The following RNF150 variants were observed in gnomAD, a reference collection of about 807,000 sequenced individuals.
RNF150 encodes the protein ring finger protein 150.
A neutral mutation model predicts 39.3 loss-of-function variants in RNF150; 24 were observed. The observed-to-expected ratio is 0.61, with a 90% CI of 0.44 to 0.86. The LOEUF (loss-of-function observed/expected upper bound fraction) is 0.86, where lower values mean the gene tolerates loss of function less well. Ranked by LOEUF, RNF150 falls within the 40% of genes least tolerant of loss-of-function variation. The probability of loss-of-function intolerance (pLI) is 0.00; values close to 1 mark genes in which losing one functional copy is unlikely to be tolerated. For missense variants in RNF150, 502 were observed against 587.8 expected (o/e 0.85, Z 1.51); for synonymous variants, 255 against 227.3 (o/e 1.12, Z -1.10).
At chr4:141,022,481 C>T (rs915039128) in intron 1 of RNF150, among the ~76,000 whole-genome samples, 11 of 152,086 alleles carry the variant, frequency 7.2e-5, no homozygotes, top group Non-Finnish European at 1.0e-4. Context: ...CCTTTGAAAA[C>T]TTTTTATTTG....
At chr4:140,955,579 C>A (rs1579000941) in intron 2 of RNF150, among the ~76,000 whole-genome samples, 1 of 152,090 alleles carries the variant, frequency 6.6e-6, no homozygotes, top group African/African-American at 2.4e-5. Flanking sequence ...TGCTTTGAGA[C>A]CTGAATAATC....
chr4:141,005,770 A>G (rs59850910), intron 1 of RNF150, among the ~76,000 whole-genome samples: 1 of 147,266 alleles, frequency 6.8e-6, no homozygotes, highest in Admixed American at 6.8e-5. Context: ...TTAGTTAGAT[A>G]AGAAATATTT....
intron 1 of RNF150, among the ~76,000 whole-genome samples, chr4:141,197,452 T>C (rs1255334418): frequency 6.6e-6 from 1 of 152,224 alleles, no homozygotes; most frequent in Non-Finnish European, 1.5e-5. Flanking sequence ...TTGTAACTTA[T>C]TGTATTTTAA....
chr4:141,111,962 A>G (rs1434535400), intron 1 of RNF150, among the ~76,000 whole-genome samples: 1 of 152,188 alleles, frequency 6.6e-6, no homozygotes, highest in Admixed American at 6.6e-5. Context: ...GAGAAATGCA[A>G]AAGAACTGAT....
intron 1 of RNF150, among the ~76,000 whole-genome samples, chr4:141,173,947 T>G (rs560416012): frequency 6.6e-6 from 1 of 152,368 alleles, no homozygotes; most frequent in Non-Finnish European, 1.5e-5. Flanking sequence ...CATTTTCTTA[T>G]GATTTATAAA....
At chr4:141,043,675 A>C (rs1327157027) in intron 1 of RNF150, among the ~76,000 whole-genome samples, 5 of 152,176 alleles carry the variant, frequency 3.3e-5, no homozygotes, top group Non-Finnish European at 7.4e-5. Flanking sequence ...AGCCACTTTA[A>C]AAGGAATAGC....
chr4:141,185,437 A>C (rs1365102160), intron 1 of RNF150, among the ~76,000 whole-genome samples: 2 of 151,840 alleles, frequency 1.3e-5, no homozygotes, highest in African/African-American at 4.9e-5. Context: ...GGGCTGAGAC[A>C]ATGGGTTTTT....
At chr4:140,968,871 T>C (rs1560992367) in intron 1 of RNF150, among the ~76,000 whole-genome samples, 1 of 151,774 alleles carries the variant, frequency 6.6e-6, no homozygotes, top group Non-Finnish European at 1.5e-5. Flanking sequence ...TTTATATTAA[T>C]TTCATTAGGG....
rs1728760058 is a variant in RNF150 at position 140,867,583 on chromosome 4, A to G, written c.*678T>C. 1 of 152,246 alleles carries G rather than the reference A, an allele frequency of 6.6e-6. No individual in the cohort carries two copies. The highest frequency in any genetic ancestry group is 1.5e-5 in the Non-Finnish European group (1 of 68,066). The allele number at this position is 152,246 out of a possible 1,614,324, so 9.4% of individuals were successfully genotyped here. Reference sequence around the variant, plus strand: ...GCTTAAAATAACCAGCAGTGGCCTCAGCAGATTTAGGGCTTAGTGTTGGGG... The same window carrying G: ...GCTTAAAATAACCAGCAGTGGCCTCGGCAGATTTAGGGCTTAGTGTTGGGG... On this transcript the variant is annotated 3_prime_UTR_variant, in exon 7 of 7. Coordinates refer to ENST00000515673, the MANE Select transcript of RNF150 (RefSeq NM_020724.2).
intron 1 of RNF150, among the ~76,000 whole-genome samples, chr4:141,034,740 G>A (rs939684315): frequency 4.6e-5 from 7 of 152,080 alleles, no homozygotes; most frequent in African/African-American, 1.4e-4. Context: ...GAGAGATAGG[G>A]AAATGGCTAG....
chr4:140,942,514 A>T (rs1351702594), intron 4 of RNF150, among the ~76,000 whole-genome samples: 1 of 152,252 alleles, frequency 6.6e-6, no homozygotes, highest in Non-Finnish European at 1.5e-5. Flanking sequence ...ATTTAAGTCC[A>T]GGTGGCACTG....
At chr4:141,189,126 G>A (rs1441565796) in intron 1 of RNF150, among the ~76,000 whole-genome samples, 3 of 152,080 alleles carry the variant, frequency 2.0e-5, no homozygotes, top group African/African-American at 7.2e-5. Context: ...TTTTCATTCT[G>A]TCAGGCCCCT....
intron 1 of RNF150, among the ~76,000 whole-genome samples, chr4:141,131,614 T>C (rs1045901866): frequency 3.3e-5 from 5 of 152,218 alleles, no homozygotes; most frequent in Non-Finnish European, 7.3e-5. Flanking sequence ...ATCCCTTCAT[T>C]CTAGCCAGAA....
intron 1 of RNF150, among the ~76,000 whole-genome samples, chr4:141,158,693 G>T (rs1727458768): frequency 6.6e-6 from 1 of 152,114 alleles, no homozygotes; most frequent in African/African-American, 2.4e-5. Context: ...TACAGATAGT[G>T]GAAGTGTTAA....
rs115135465 is a variant in RNF150 at position 141,156,401 on chromosome 4, C to A, written c.-6+56393G>T. Among the ~76,000 whole-genome samples, 1,061 of 152,222 alleles carry A rather than the reference C, an allele frequency of 7.0e-3. 11 individuals are homozygous for A. The highest frequency in any genetic ancestry group is 0.024 in the African/African-American group (1,016 of 41,552). ...GCTCAAGCCATCCTCCTGCCTCATC[C>A]TCCTGAGTAGGAGGGACTACAGGCA... On this transcript the variant is annotated intron_variant, in intron 1 of 7. Transcript: ENST00000420921.
At chr4:141,148,919 C>T (rs556193397) in intron 1 of RNF150, among the ~76,000 whole-genome samples, 8 of 152,288 alleles carry the variant, frequency 5.3e-5, no homozygotes, top group African/African-American at 1.9e-4. Flanking sequence ...CTTTATCATT[C>T]CTCCTCAGCT....
At chr4:141,107,159 T>C (rs1481196288) in intron 1 of RNF150, among the ~76,000 whole-genome samples, 3 of 152,218 alleles carry the variant, frequency 2.0e-5, no homozygotes, top group Admixed American at 6.5e-5. Flanking sequence ...TATTAACTAT[T>C]AGTTAGCATG....
At chr4:140,888,266 C>T (rs1204733444) in intron 6 of RNF150, among the ~76,000 whole-genome samples, 1 of 152,270 alleles carries the variant, frequency 6.6e-6, no homozygotes, top group East Asian at 1.9e-4. Context: ...TCACTCTTAG[C>T]TACAGAAAAG....
At chr4:141,078,427 T>A (rs753325205) in intron 1 of RNF150, among the ~76,000 whole-genome samples, 5 of 152,146 alleles carry the variant, frequency 3.3e-5, no homozygotes, top group Non-Finnish European at 1.5e-5. Context: ...CTGTATCCCA[T>A]GTTAATCTAT....
Sources: gnomAD v4.1 joint callset for allele counts (sites outside exome capture counted in the v4.1 genomes callset) on GRCh38, gnomAD v4.1.1 for gene constraint, MANE v1.5 for transcripts, NCBI Gene and HGNC (gene_info 2026-07-23, HGNC 2026-07-21) for gene names.